Variants in BCL2L14 observed in about 807,000 individuals in gnomAD.
BCL2L14 encodes apoptosis facilitator Bcl-2-like protein 14.
BCL2L14 carries 27 observed loss-of-function variants against 35.3 expected under a neutral mutation model. The ratio of observed to expected loss-of-function variants is 0.76; its 90% CI spans 0.56 to 1.05. The LOEUF is 1.05. Ranked by LOEUF, BCL2L14 falls within the 50% of genes least tolerant of loss-of-function variation. BCL2L14 has a pLI of 0.00. For missense variants in BCL2L14, 377 were observed against 382.6 expected (o/e 0.99, Z 0.12); for synonymous variants, 139 against 145.9 (o/e 0.95, Z 0.34).
chr12:12,090,832 G>A lies in BCL2L14; in HGVS notation c.661G>A (p.Asp221Asn). Reference protein sequence around the residue: ...KIVELLKYSGDQLERKLKKDK... With the variant: ...KIVELLKYSGNQLERKLKKDK... ...TGTTGAGCTGCTGAAATATTCAGGA[G>A]ATCAGTTGGAAAGAAAGGTATGGAA... is the stretch of plus-strand genomic sequence containing the variant. The change falls in exon 4 of 6, where the codon GAT becomes AAT. Residue 221 changes from aspartate (D) to asparagine (N), a missense_variant. Physicochemically the swap from Asp to Asn is conservative, Grantham distance 23. Coordinates refer to ENST00000308721, the MANE Select transcript of BCL2L14 (RefSeq NM_138723.2). The A allele has an allele frequency of 6.2e-7, 1 of 1,613,076 alleles. No individual in the cohort carries two copies. Among genetic ancestry groups the A allele is most frequent in the South Asian group, 1.1e-5 (1 of 90,926 alleles).
At chr12:12,058,078 A>C (rs1948459829) in intron 2 of BCL2L14, among the ~76,000 whole-genome samples, 1 of 148,502 alleles carries the variant, frequency 6.7e-6, no homozygotes, top group East Asian at 2.1e-4. Context: ...CTCCCCGAGT[A>C]GCTGGGACTA....
intron 4 of BCL2L14, among the ~76,000 whole-genome samples, chr12:12,092,777 G>T (rs543207929): frequency 6.6e-6 from 1 of 152,164 alleles, no homozygotes; most frequent in South Asian, 2.1e-4. Context: ...CAACCCAGAC[G>T]GGGCCTGGAC....
At chr12:12,082,378 G>A (rs1565472064) in intron 2 of BCL2L14, among the ~76,000 whole-genome samples, 1 of 152,198 alleles carries the variant, frequency 6.6e-6, no homozygotes, top group Non-Finnish European at 1.5e-5. Context: ...TCTGCCGGGG[G>A]TGGCATCTGG....
chr12:12,096,014 T>A (rs1431200512), intron 5 of BCL2L14: 14 of 985,292 alleles, frequency 1.4e-5, no homozygotes, highest in Non-Finnish European at 1.7e-5. Context: ...ATTTTAGTTC[T>A]ACCTATTCTT....
intron 4 of BCL2L14, among the ~76,000 whole-genome samples, chr12:12,091,948 T>C (rs1029805358): frequency 6.6e-5 from 10 of 152,180 alleles, no homozygotes; most frequent in Admixed American, 1.3e-4. Flanking sequence ...TCCTGGAGAA[T>C]AGGCATTCCA....
chr12:12,085,582 C>G (rs1949024319), intron 2 of BCL2L14, among the ~76,000 whole-genome samples: 1 of 152,066 alleles, frequency 6.6e-6, no homozygotes, highest in Non-Finnish European at 1.5e-5. Context: ...GTTTTTGAAC[C>G]CTGTGGACTA....
intron 5 of BCL2L14, among the ~76,000 whole-genome samples, chr12:12,097,050 T>C (rs1031703893): frequency 5.3e-5 from 8 of 151,938 alleles, no homozygotes; most frequent in South Asian, 2.1e-4. Flanking sequence ...GGGGCTGAGG[T>C]AGGAGAATGG....
intron 2 of BCL2L14, among the ~76,000 whole-genome samples, chr12:12,056,002 G>A (rs10845460): frequency 4.6e-5 from 7 of 151,702 alleles, no homozygotes; most frequent in Admixed American, 1.3e-4. Context: ...CATCATCCCC[G>A]AGGCGATGTC....
intron 2 of BCL2L14, among the ~76,000 whole-genome samples, chr12:12,062,458 C>T (rs1428225694): frequency 6.6e-6 from 1 of 150,854 alleles, no homozygotes; most frequent in East Asian, 1.9e-4. Context: ...TAGAACCTCT[C>T]ATTTCCTTTC....
chr12:12,080,144 G>A (rs1306403953), intron 2 of BCL2L14, among the ~76,000 whole-genome samples: 1 of 151,730 alleles, frequency 6.6e-6, no homozygotes, highest in African/African-American at 2.4e-5. Flanking sequence ...GGCGGAGCTT[G>A]CAGTGAGCCA....
At chr12:12,065,894 C>T (rs933644498) in intron 2 of BCL2L14, among the ~76,000 whole-genome samples, 23 of 151,966 alleles carry the variant, frequency 1.5e-4, no homozygotes, top group Admixed American at 1.4e-3. Flanking sequence ...CAGGTTCAAG[C>T]GTTCTCCTGC....
At chr12:12,098,634 G>C (rs747083206) in intron 5 of BCL2L14, among the ~76,000 whole-genome samples, 1 of 152,296 alleles carries the variant, frequency 6.6e-6, no homozygotes, top group South Asian at 2.1e-4. Context: ...ACTTTGAAAG[G>C]AGAGAGTTGT....
rs1482922462 is a variant in BCL2L14, at chr12:12,094,792, C to A, written c.807C>A (p.Gly269=). The change falls in exon 5 of 6, where the codon GGC becomes GGA. Residue 269 remains glycine, a synonymous_variant. Coordinates refer to ENST00000308721, the MANE Select transcript of BCL2L14 (RefSeq NM_138723.2). ...GAGAATCAGAGGTCAAAGCTCAGGG[C>A]TTTAAGGCTGCCCTTGTAATAGACG... ...PRGESEVKAQ[G]FKAALVIDVT... 1 of 1,614,182 alleles carries A rather than the reference C, an allele frequency of 6.2e-7. No individual in the cohort carries two copies. Among genetic ancestry groups the A allele is most frequent in the South Asian group, 1.1e-5 (1 of 91,082 alleles).
chr12:12,096,918 T>A (rs993362017), intron 5 of BCL2L14, among the ~76,000 whole-genome samples: 1 of 151,660 alleles, frequency 6.6e-6, no homozygotes, highest in African/African-American at 2.4e-5. Context: ...CCGAGGCGGG[T>A]GGATCACGAG....
chr12:12,090,078 G>T (rs1354478314), intron 3 of BCL2L14, among the ~76,000 whole-genome samples: 1 of 152,084 alleles, frequency 6.6e-6, no homozygotes, highest in East Asian at 1.9e-4. Context: ...TAAGATAAAA[G>T]CACCATCTGC....
At chr12:12,053,194 G>T (rs985301730) in intron 2 of BCL2L14, among the ~76,000 whole-genome samples, 3 of 152,146 alleles carry the variant, frequency 2.0e-5, no homozygotes, top group African/African-American at 7.2e-5. Context: ...GAGATAGATA[G>T]AATTTTTATT....
intron 4 of BCL2L14, among the ~76,000 whole-genome samples, chr12:12,092,136 T>A (rs1949202024): frequency 6.6e-6 from 1 of 152,190 alleles, no homozygotes; most frequent in African/African-American, 2.4e-5. Context: ...GGCAACCTCC[T>A]TCCCAGCTTC....
In BCL2L14 at chr12:12,060,169, G is replaced by A. The variant is rs113482110; in HGVS notation, c.-272+8322G>A. Among the ~76,000 whole-genome samples, 1,443 of 150,760 alleles carry A rather than the reference G, an allele frequency of 9.6e-3. 25 individuals are homozygous for A. The highest frequency in any genetic ancestry group is 0.033 in the African/African-American group (1,369 of 40,938). On this transcript the variant is annotated intron_variant, in intron 2 of 3. Transcript: ENST00000461264. ...TTTATCACCTCCCCTCCTCACACCCGGTCCGGCTTACAGTTTCGTTCCATG... is the reference window on the plus strand; with the variant it reads ...TTTATCACCTCCCCTCCTCACACCCAGTCCGGCTTACAGTTTCGTTCCATG...
At position 12,060,510 on chromosome 12, in the gene BCL2L14, C is replaced by T. The variant is rs796175529; in HGVS notation, c.-272+8663C>T. Among the ~76,000 whole-genome samples the T allele has an allele frequency of 3.2e-4, 34 of 106,426 alleles. No homozygotes were observed. In the South Asian group the frequency reaches 0.012, roughly 37 times the overall value. 69.8% of individuals were successfully genotyped at this position (106,426 alleles called of 152,430 possible). On this transcript the variant is annotated intron_variant, in intron 2 of 3. Coordinates refer to the BCL2L14 transcript ENST00000461264. ...CCCCACAACAGGATTTAATTAACCT[C>T]GCCTTCAAGGTGTACAATAATAGAA...
Sources: gnomAD v4.1 joint callset for allele counts (sites outside exome capture counted in the v4.1 genomes callset) on GRCh38, gnomAD v4.1.1 for gene constraint, MANE v1.5 for transcripts, NCBI Gene and HGNC (gene_info 2026-07-23, HGNC 2026-07-21) for gene names.